The following P2RY12 variants were observed in gnomAD, a reference collection of about 807,000 sequenced individuals.
P2RY12 encodes the protein P2Y purinoceptor 12.
Under a neutral mutation model 4.5 loss-of-function variants are expected in P2RY12, and 3 were observed. The ratio of observed to expected loss-of-function variants is 0.67; its 90% CI spans 0.31 to 1.74. P2RY12 has a LOEUF of 1.74. P2RY12 is among the 40% of genes most tolerant of loss of function. The pLI, the probability that P2RY12 is intolerant of heterozygous loss-of-function variation, is 0.09. For synonymous variants in P2RY12, 148 were observed against 154.1 expected, an observed-to-expected ratio of 0.96 and a Z score of 0.29; for missense variants, 356 against 407.8, an observed-to-expected ratio of 0.87 and a Z score of 1.09.
chr3:151,369,073 T>C (rs556126463), intron 1 of P2RY12, among the ~76,000 whole-genome samples: 1 of 152,292 alleles, frequency 6.6e-6, no homozygotes, highest in African/African-American at 2.4e-5. Flanking sequence ...CATTTATTCT[T>C]GTACTAAGTA....
At position 151,361,069 on chromosome 3, in the gene P2RY12, G is replaced by A. The variant is rs76728991; in HGVS notation, c.-179-20309C>T. ...ATTTTGCTTTATTTGTATCCCTCTT[G>A]ATTTTGATATCTACCTTTTCTGAGC... On this transcript the variant is annotated intron_variant, in intron 1 of 2. Coordinates refer to ENST00000302632, the MANE Select transcript of P2RY12 (RefSeq NM_022788.5). Among the ~76,000 whole-genome samples, 5 of 152,072 alleles carry A rather than the reference G, an allele frequency of 3.3e-5. No homozygotes were observed. The East Asian group carries it at 9.7e-4, about 29-fold the overall frequency.
chr3:151,384,338 T>G (rs945099188), intron 1 of P2RY12: 1 of 1,049,034 alleles, frequency 9.5e-7, no homozygotes, highest in Non-Finnish European at 1.3e-6. Context: ...TTAATGTGAT[T>G]ATTTGCTATT....
At position 151,346,290 on chromosome 3, in the gene P2RY12, A is replaced by G. The variant is rs113955226; in HGVS notation, c.-179-5530T>C. On this transcript the variant is annotated intron_variant, in intron 1 of 2. Coordinates refer to ENST00000302632, the MANE Select transcript of P2RY12 (RefSeq NM_022788.5). ...TTTATCATCAGTTATCTGTTCCCCA[A>G]TCTTGATTTCTACTATGGAAATTTG... Among the ~76,000 whole-genome samples, 25 of 152,164 alleles carry G rather than the reference A, an allele frequency of 1.6e-4. 1 individual carries two copies. Among genetic ancestry groups the G allele is most frequent in the African/African-American group, 5.3e-4 (22 of 41,514 alleles).
At chr3:151,384,414 A>G (rs1460994323) in intron 1 of P2RY12, among the ~76,000 whole-genome samples, 4 of 152,230 alleles carry the variant, frequency 2.6e-5, no homozygotes, top group Non-Finnish European at 5.9e-5. Context: ...TTTTTATTGA[A>G]AACAATTACA....
At chr3:151,367,716 C>T (rs749543965) in intron 1 of P2RY12, 4 of 1,611,364 alleles carry the variant, frequency 2.5e-6, no homozygotes, top group Non-Finnish European at 3.4e-6. Flanking sequence ...CAGTGTTTTT[C>T]CCTGGAGGAC....
chr3:151,357,396 T>C, intron 1 of P2RY12: 1 of 1,542,502 alleles, frequency 6.5e-7, no homozygotes, highest in Non-Finnish European at 8.7e-7. Context: ...TAGCATGTCA[T>C]TGTTGTTTTT....
chr3:151,364,835 G>A (rs922216283), intron 1 of P2RY12: 11 of 617,146 alleles, frequency 1.8e-5, no homozygotes, highest in Non-Finnish European at 3.2e-5. Context: ...CAATTAGTAA[G>A]AAGTTCTAAT....
intron 1 of P2RY12, chr3:151,367,833 T>G: frequency 6.5e-7 from 1 of 1,527,564 alleles, no homozygotes; most frequent in Middle Eastern, 1.7e-4. Flanking sequence ...TTTCTAACAT[T>G]ACAACACAGG....
chr3:151,379,617 A>G (rs1460881187), intron 1 of P2RY12, among the ~76,000 whole-genome samples: 1 of 152,174 alleles, frequency 6.6e-6, no homozygotes, highest in African/African-American at 2.4e-5. Flanking sequence ...TAGCTCTACT[A>G]ACACCCTGCT....
intron 1 of P2RY12, among the ~76,000 whole-genome samples, chr3:151,377,532 C>T (rs903739653): frequency 3.3e-5 from 5 of 151,986 alleles, no homozygotes; most frequent in African/African-American, 1.2e-4. Context: ...AATTTTTGTG[C>T]AGAATTAGAA....
intron 1 of P2RY12, chr3:151,360,325 T>C (rs1210639371): frequency 2.3e-5 from 15 of 655,048 alleles, no homozygotes; most frequent in Non-Finnish European, 3.6e-5. Flanking sequence ...TATATTGTAC[T>C]GAGTTATTTA....
intron 1 of P2RY12, among the ~76,000 whole-genome samples, chr3:151,358,815 A>G (rs1274578923): frequency 6.6e-6 from 1 of 152,200 alleles, no homozygotes; most frequent in Non-Finnish European, 1.5e-5. Context: ...TTGCAAATCA[A>G]AGAAGTTGAG....
At chr3:151,355,327 A>G in intron 1 of P2RY12, 1 of 789,866 alleles carries the variant, frequency 1.3e-6, no homozygotes, top group Non-Finnish European at 2.1e-6. Flanking sequence ...CTCAACCTTA[A>G]TGGTTTTAGA....
intron 1 of P2RY12, among the ~76,000 whole-genome samples, chr3:151,362,011 AG>A (rs1220363679): frequency 6.6e-6 from 1 of 152,142 alleles, no homozygotes; most frequent in Non-Finnish European, 1.5e-5. Context: ...ATCCAGAAGG[AG>A]GTAGGGAAAG....
intron 2 of P2RY12, among the ~76,000 whole-genome samples, chr3:151,339,737 T>C (rs975705665): frequency 2.6e-5 from 4 of 152,092 alleles, no homozygotes; most frequent in Non-Finnish European, 4.4e-5. Context: ...TTATGGAGTG[T>C]GTAATGGTAG....
At chr3:151,339,748 C>T (rs1239681295) in intron 2 of P2RY12, among the ~76,000 whole-genome samples, 1 of 151,134 alleles carries the variant, frequency 6.6e-6, no homozygotes, top group African/African-American at 2.4e-5. Context: ...GTAATGGTAG[C>T]TAAAATAAAA....
At chr3:151,341,111 T>C (rs982643667) in intron 1 of P2RY12, among the ~76,000 whole-genome samples, 1 of 152,188 alleles carries the variant, frequency 6.6e-6, no homozygotes, top group Non-Finnish European at 1.5e-5. Context: ...TTATCTGAAA[T>C]ATATTGTGTA....
intron 1 of P2RY12, chr3:151,357,500 G>T: frequency 1.2e-6 from 1 of 804,048 alleles, no homozygotes; most frequent in Non-Finnish European, 1.8e-6. Flanking sequence ...CATGGTTAAA[G>T]AACACTCTTG....
intron 1 of P2RY12, among the ~76,000 whole-genome samples, chr3:151,351,009 A>C (rs1042998377): frequency 1.3e-5 from 2 of 152,196 alleles, no homozygotes; most frequent in African/African-American, 4.8e-5. Context: ...TAATACTTAA[A>C]TCATAGAAGG....
Sources: gnomAD v4.1 joint callset for allele counts (sites outside exome capture counted in the v4.1 genomes callset) on GRCh38, gnomAD v4.1.1 for gene constraint, MANE v1.5 for transcripts, NCBI Gene and HGNC (gene_info 2026-07-23, HGNC 2026-07-21) for gene names.